Variants in RBFOX1 observed in about 807,000 individuals in gnomAD.
RBFOX1 encodes RNA binding protein fox-1 homolog 1.
Under a neutral mutation model 57.7 loss-of-function variants are expected in RBFOX1, and 8 were observed. That is an observed-to-expected ratio of 0.14 (90% confidence interval 0.08 to 0.25). RBFOX1 has a LOEUF of 0.25. Ranked by LOEUF, RBFOX1 falls within the 10% of genes least tolerant of loss-of-function variation. RBFOX1 has a pLI of 1.00. For synonymous variants in RBFOX1, 326 were observed against 222.4 expected (o/e 1.47, Z -4.15); for missense variants, 611 against 548.5 (o/e 1.11, Z -1.14).
At chr16:7,257,724 G>C (rs530050545) in intron 4 of RBFOX1, among the ~76,000 whole-genome samples, 46 of 152,280 alleles carry the variant, frequency 3.0e-4, no homozygotes, top group East Asian at 2.9e-3. Flanking sequence ...GCTCTGTTCT[G>C]CATAGATGTT....
chr16:6,862,659 G>C (rs545561674), intron 3 of RBFOX1, among the ~76,000 whole-genome samples: 19 of 152,136 alleles, frequency 1.2e-4, no homozygotes, highest in Non-Finnish European at 2.6e-4. Context: ...GGTTTTGTAT[G>C]AACAGAGCTG....
intron 1 of RBFOX1, among the ~76,000 whole-genome samples, chr16:5,389,269 AG>A (rs932020714): frequency 3.3e-5 from 5 of 152,230 alleles, no homozygotes; most frequent in African/African-American, 1.2e-4. Context: ...CAAAGAAGAA[AG>A]TGGAAATCCT....
intron 2 of RBFOX1, among the ~76,000 whole-genome samples, chr16:6,382,826 C>G (rs895047346): frequency 1.3e-5 from 2 of 152,206 alleles, no homozygotes; most frequent in African/African-American, 4.8e-5. Context: ...TGTCGCTGCA[C>G]TCCAGCCTGG....
intron 3 of RBFOX1, among the ~76,000 whole-genome samples, chr16:6,823,996 C>A (rs997575842): frequency 6.6e-6 from 1 of 152,142 alleles, no homozygotes; most frequent in Non-Finnish European, 1.5e-5. Context: ...TGAGCTGGCC[C>A]CATGAATGAA....
At chr16:6,670,940 C>A (rs994551635) in intron 3 of RBFOX1, among the ~76,000 whole-genome samples, 20 of 152,110 alleles carry the variant, frequency 1.3e-4, no homozygotes, top group African/African-American at 4.1e-4. Flanking sequence ...GCGGAGCTTG[C>A]AGCGAGCCGA....
At chr16:6,927,901 C>G (rs764501234) in intron 3 of RBFOX1, among the ~76,000 whole-genome samples, 1 of 152,236 alleles carries the variant, frequency 6.6e-6, no homozygotes, top group Non-Finnish European at 1.5e-5. Flanking sequence ...CGCTAAACAT[C>G]ATCTAAACAC....
chr16:6,650,299 T>G (rs1202565120), intron 2 of RBFOX1, among the ~76,000 whole-genome samples: 1 of 151,920 alleles, frequency 6.6e-6, no homozygotes, highest in African/African-American at 2.4e-5. Context: ...TTTCTTTTTT[T>G]GCTGTGAATA....
intron 3 of RBFOX1, among the ~76,000 whole-genome samples, chr16:5,624,509 T>G (rs1173660238): frequency 6.6e-6 from 1 of 152,194 alleles, no homozygotes; most frequent in African/African-American, 2.4e-5. Flanking sequence ...CCAGAGACTT[T>G]TAAAGCTCGT....
At chr16:7,156,873 T>C (rs192542857) in intron 4 of RBFOX1, among the ~76,000 whole-genome samples, 18 of 152,306 alleles carry the variant, frequency 1.2e-4, no homozygotes, top group Admixed American at 1.0e-3. Context: ...TTCATAGATA[T>C]TGCTAATATT....
At chr16:7,272,843 TCCCTTCCCTTCTTCCCTTCCGTTCTTC>T (rs2095352738) in intron 4 of RBFOX1, among the ~76,000 whole-genome samples, 1 of 115,306 alleles carries the variant, frequency 8.7e-6, no homozygotes. Flanking sequence ...CTCCCCTCCC[TCCCTTCCCTTCTTCCCTTCCGTTCTTC>T]CCTTCCTTCC....
intron 1 of RBFOX1, among the ~76,000 whole-genome samples, chr16:6,276,380 G>C (rs1429341968): frequency 6.6e-6 from 1 of 152,076 alleles, no homozygotes; most frequent in African/African-American, 2.4e-5. Flanking sequence ...TGTTGCCCAA[G>C]CTGGAGTGCA....
chr16:7,028,166 T>C (rs939398811), intron 3 of RBFOX1, among the ~76,000 whole-genome samples: 3 of 152,122 alleles, frequency 2.0e-5, no homozygotes, highest in Non-Finnish European at 4.4e-5. Context: ...AATAATTGGC[T>C]TACAGATTTG....
chr16:7,537,833 G>A (rs1159362423), intron 5 of RBFOX1, among the ~76,000 whole-genome samples: 3 of 152,162 alleles, frequency 2.0e-5, no homozygotes, highest in African/African-American at 4.8e-5. Context: ...ATTATGCATT[G>A]GAAAACAATT....
intron 4 of RBFOX1, among the ~76,000 whole-genome samples, chr16:7,138,730 C>G (rs74009241): frequency 6.6e-6 from 1 of 152,116 alleles, no homozygotes; most frequent in Non-Finnish European, 1.5e-5. Context: ...TTCTGCAGGC[C>G]GTATGCTTGA....
At chr16:6,833,892 G>C (rs1344311589) in intron 3 of RBFOX1, among the ~76,000 whole-genome samples, 3 of 151,932 alleles carry the variant, frequency 2.0e-5, no homozygotes, top group Admixed American at 6.6e-5. Context: ...AGGAGGAGAG[G>C]AACCTGGCAA....
intron 2 of RBFOX1, among the ~76,000 whole-genome samples, chr16:6,498,958 C>T (rs986553110): frequency 1.3e-5 from 2 of 152,130 alleles, no homozygotes; most frequent in East Asian, 1.9e-4. Context: ...CTCCAATACA[C>T]CCCATTGGCA....
intron 1 of RBFOX1, among the ~76,000 whole-genome samples, chr16:6,277,045 G>C (rs967632691): frequency 6.6e-6 from 1 of 152,084 alleles, no homozygotes; most frequent in African/African-American, 2.4e-5. Flanking sequence ...TATCTTAACC[G>C]GACATGGGTT....
chr16:7,398,807 CTGGAGGGAATA>C (rs1276245653), intron 4 of RBFOX1, among the ~76,000 whole-genome samples: 3 of 152,214 alleles, frequency 2.0e-5, no homozygotes, highest in African/African-American at 7.2e-5. Context: ...GTTAGACTCC[CTGGAGGGAATA>C]ATTCTGAGAT....
At chr16:6,863,039 C>G (rs1449638559) in intron 3 of RBFOX1, among the ~76,000 whole-genome samples, 1 of 151,374 alleles carries the variant, frequency 6.6e-6, no homozygotes, top group African/African-American at 2.4e-5. Flanking sequence ...TTTGCAGAGT[C>G]CTTCTAAGGT....
Sources: allele counts gnomAD v4.1 joint callset (sites outside exome capture counted in the v4.1 genomes callset), GRCh38; gene constraint gnomAD v4.1.1; transcripts MANE v1.5; gene names NCBI Gene and HGNC (gene_info 2026-07-23, HGNC 2026-07-21).